The following ZBBX variants were observed in gnomAD, a reference collection of about 807,000 sequenced individuals.
ZBBX encodes the protein zinc finger B-box domain containing.
Under a neutral mutation model 108.5 loss-of-function variants are expected in ZBBX, and 101 were observed. The ratio of observed to expected loss-of-function variants is 0.93; its 90% CI spans 0.79 to 1.10. ZBBX has a LOEUF of 1.10. Ranked by LOEUF, ZBBX falls within the 50% of genes least tolerant of loss-of-function variation. ZBBX has a pLI of 0.00. For missense variants in ZBBX, 1,009 were observed against 941.4 expected, an observed-to-expected ratio of 1.07 and a Z score of -0.94; for synonymous variants, 356 against 323.4, an observed-to-expected ratio of 1.10 and a Z score of -1.08.
chr3:167,391,116 T>C (rs544132326), intron 1 of ZBBX, among the ~76,000 whole-genome samples: 2 of 152,264 alleles, frequency 1.3e-5, no homozygotes, highest in African/African-American at 4.8e-5. Context: ...ATATTGGCTA[T>C]GGGTTTGTCA....
the ZBBX span, among the ~76,000 whole-genome samples, chr3:167,216,313 A>G: frequency 6.6e-6 from 1 of 152,168 alleles, no homozygotes. Flanking sequence ...AAAAATCACA[A>G]GCATTCCTAT....
the ZBBX span, among the ~76,000 whole-genome samples, chr3:167,205,643 G>A: frequency 2.0e-5 from 3 of 152,148 alleles, no homozygotes; most frequent in Non-Finnish European, 4.4e-5. Context: ...CCTCACAAGA[G>A]TGTCATGACG....
chr3:167,267,730 G>C (rs1725810243), intron 20 of ZBBX, among the ~76,000 whole-genome samples: 1 of 152,134 alleles, frequency 6.6e-6, no homozygotes, highest in Admixed American at 6.5e-5. Flanking sequence ...CTCTTTGTTA[G>C]AGACAGGGAC....
intron 20 of ZBBX, among the ~76,000 whole-genome samples, chr3:167,274,244 T>C (rs1727070416): frequency 1.3e-5 from 2 of 152,170 alleles, no homozygotes; most frequent in South Asian, 4.1e-4. Flanking sequence ...AGAAAGATGA[T>C]TTGGTAAATG....
chr3:167,333,692 T>G, intron 10 of ZBBX, 135 bp downstream of exon 10: 1 of 759,506 alleles, frequency 1.3e-6, no homozygotes, highest in South Asian at 3.3e-5. Context: ...ATTTGGTTAA[T>G]GAAGAACAAA....
At chr3:167,231,296 A>G in the ZBBX span, among the ~76,000 whole-genome samples, 2 of 151,816 alleles carry the variant, frequency 1.3e-5, no homozygotes, top group Non-Finnish European at 2.9e-5. Context: ...AGGCTGTAAA[A>G]AAGGAGAAGA....
Position 167,323,186 on chromosome 3 carries a change from T to C in ZBBX, c.863-949A>G, listed in dbSNP as rs953340604. Among the ~76,000 whole-genome samples, 4 of 137,606 alleles carry C rather than the reference T, an allele frequency of 2.9e-5. No homozygotes were observed. In the Admixed American group the frequency reaches 3.0e-4, roughly 10 times the overall value. 90.3% of individuals were successfully genotyped at this position (137,606 alleles called of 152,430 possible). ...TGAGAGAGAAGAAATGCCTCCACTATGAGTCCCCCTTTTCATTTTGAAACA... is the reference window on the plus strand; with the variant it reads ...TGAGAGAGAAGAAATGCCTCCACTACGAGTCCCCCTTTTCATTTTGAAACA... On this transcript the variant is annotated intron_variant, in intron 11 of 21. Coordinates refer to ENST00000675490, the MANE Select transcript of ZBBX (RefSeq NM_001199201.2).
At chr3:167,270,372 C>T (rs576214291) in intron 20 of ZBBX, among the ~76,000 whole-genome samples, 18 of 152,250 alleles carry the variant, frequency 1.2e-4, no homozygotes, top group African/African-American at 4.3e-4. Context: ...CAGTAAGCTG[C>T]TATACCAGAA....
intron 10 of ZBBX, among the ~76,000 whole-genome samples, chr3:167,331,346 A>C (rs1738600979): frequency 6.6e-6 from 1 of 152,126 alleles, no homozygotes; most frequent in Non-Finnish European, 1.5e-5. Context: ...GAGTCTTAGG[A>C]GTATTTGTGA....
At chr3:167,315,482 C>A (rs2108285209) in intron 15 of ZBBX, among the ~76,000 whole-genome samples, 1 of 152,090 alleles carries the variant, frequency 6.6e-6, no homozygotes, top group Admixed American at 6.6e-5. Flanking sequence ...GGATAACAAC[C>A]CCTAAGTTCA....
chr3:167,359,513 G>A (rs1277518152), intron 8 of ZBBX, among the ~76,000 whole-genome samples: 4 of 152,132 alleles, frequency 2.6e-5, no homozygotes, highest in Admixed American at 6.6e-5. Context: ...ATAATGGGGT[G>A]CAGGCTTGGA....
chr3:167,324,325 T>C (rs1736993471), intron 11 of ZBBX, among the ~76,000 whole-genome samples: 1 of 152,022 alleles, frequency 6.6e-6, no homozygotes, highest in Non-Finnish European at 1.5e-5. Flanking sequence ...TTAAATTTTG[T>C]GTAGAGATGA....
intron 9 of ZBBX, among the ~76,000 whole-genome samples, chr3:167,348,311 AAAG>A (rs1168184369): frequency 8.5e-5 from 9 of 105,408 alleles, no homozygotes; most frequent in African/African-American, 3.9e-4. Flanking sequence ...AGAGAGAAAG[AAAG>A]AGAAAGAAAG....
At chr3:167,236,486 C>T (rs1720235867), downstream of ZBBX, among the ~76,000 whole-genome samples, 1 of 151,808 alleles carries the variant, frequency 6.6e-6, no homozygotes, top group Admixed American at 6.6e-5. Context: ...TTTTCAACAA[C>T]GTTCCTTTGA....
At chr3:167,208,408 C>T in the ZBBX span, among the ~76,000 whole-genome samples, 1 of 152,160 alleles carries the variant, frequency 6.6e-6, no homozygotes, top group Non-Finnish European at 1.5e-5. Flanking sequence ...AAGAGTCCTT[C>T]CCTCTCCTTG....
At chr3:167,330,871 G>GAAGAAGAAGAAGAAGAAGCAGAAGAAGA (rs1553820669) in intron 10 of ZBBX, among the ~76,000 whole-genome samples, 1 of 43,916 alleles carries the variant, frequency 2.3e-5, no homozygotes, top group Non-Finnish European at 4.5e-5. Flanking sequence ...GGAGGAGGAG[G>GAAGAAGAAGAAGAAGAAGCAGAAGAAGA]AGAAGAAGAA....
In ZBBX at chr3:167,303,867, A is replaced by G. The variant is rs112268376; in HGVS notation, c.1725+1776T>C. On this transcript the variant is annotated intron_variant, in intron 17 of 21. Transcript: ENST00000675490. ...ATAATGCGAATTTGTTTTTATTTAT[A>G]TTGTTCAGGAATTGTACTTTGTTAT... 6.2e-3 allele frequency among the ~76,000 whole-genome samples: 938 copies of G among 152,248 alleles called. 7 individuals carry two copies. The highest frequency in any genetic ancestry group is 0.02 in the African/African-American group (838 of 41,562).
rs755707370 is a variant in ZBBX at position 167,282,425 on chromosome 3, G to A, written c.2067C>T (p.Cys689=). ...TTGATCGAGGATGAGAGGATGAAAG[G>A]CAACTGGAGCTTTCTTTAACAGAGT... The part of the protein sequence containing the change: ...LSNSVKESSS[C]LSSSHPRSRS... Residue 689 remains cysteine (C), a synonymous_variant, in exon 20 of 22, where the codon TGC becomes TGT. Coordinates refer to ENST00000675490, the MANE Select transcript of ZBBX (RefSeq NM_001199201.2). 2 of 1,613,954 alleles carry A rather than the reference G, an allele frequency of 1.2e-6. No homozygotes were observed. Among genetic ancestry groups the A allele is most frequent in the Non-Finnish European group, 8.5e-7 (1 of 1,179,904 alleles).
intron 12 of ZBBX, among the ~76,000 whole-genome samples, chr3:167,318,910 C>T (rs893255416): frequency 6.6e-5 from 10 of 151,812 alleles, no homozygotes; most frequent in Non-Finnish European, 1.2e-4. Context: ...TACAACTACA[C>T]GCCTTATTAA....
Sources: allele counts gnomAD v4.1 joint callset (sites outside exome capture counted in the v4.1 genomes callset), GRCh38; gene constraint gnomAD v4.1.1; transcripts MANE v1.5; gene names NCBI Gene and HGNC (gene_info 2026-07-23, HGNC 2026-07-21).